The following CCDC92 variants were observed in gnomAD, a reference collection of about 807,000 sequenced individuals.
The protein encoded by CCDC92 is coiled-coil domain-containing protein 92.
A neutral mutation model predicts 24.9 loss-of-function variants in CCDC92; 12 were observed. The observed-to-expected ratio is 0.48, with a 90% CI of 0.31 to 0.78. The LOEUF (loss-of-function observed/expected upper bound fraction) is 0.78, where lower values mean the gene tolerates loss of function less well. Ranked by LOEUF, CCDC92 falls within the 30% of genes least tolerant of loss-of-function variation. The pLI, the probability that CCDC92 is intolerant of heterozygous loss-of-function variation, is 0.05. For missense variants in CCDC92, 399 were observed against 439.4 expected (o/e 0.91, Z 0.82); for synonymous variants, 193 against 196.3 (o/e 0.98, Z 0.14).
At chr12:123,943,286 G>T in intron 3 of CCDC92, 61 bp downstream of exon 3, 1 of 1,570,428 alleles carries the variant, frequency 6.4e-7, no homozygotes, top group South Asian at 1.1e-5. Context: ...ACATTCTGAC[G>T]CTGGGCTCTG....
intron 1 of CCDC92, among the ~76,000 whole-genome samples, chr12:123,949,653 T>G (rs1955973404): frequency 6.6e-6 from 1 of 152,216 alleles, no homozygotes; most frequent in East Asian, 1.9e-4. Context: ...CACGTACAGT[T>G]TTTCCTATGG....
At chr12:123,950,615 G>A (rs892623119) in intron 1 of CCDC92, among the ~76,000 whole-genome samples, 2 of 152,040 alleles carry the variant, frequency 1.3e-5, no homozygotes, top group African/African-American at 4.8e-5. Flanking sequence ...GCAGGTGCTC[G>A]GTCCCAGGGC....
chr12:123,956,686 A>G (rs1956156960), intron 1 of CCDC92, among the ~76,000 whole-genome samples: 1 of 152,254 alleles, frequency 6.6e-6, no homozygotes, highest in Non-Finnish European at 1.5e-5. Context: ...ACATCCAGAG[A>G]CCAGTGAGAG....
intron 1 of CCDC92, among the ~76,000 whole-genome samples, chr12:123,950,954 C>T (rs186166579): frequency 6.6e-6 from 1 of 152,168 alleles, no homozygotes. Context: ...CCCTCCCCAG[C>T]GGCATCCCCC....
At chr12:123,940,085 T>C (rs1306291283) in intron 4 of CCDC92, among the ~76,000 whole-genome samples, 2 of 152,230 alleles carry the variant, frequency 1.3e-5, no homozygotes, top group Non-Finnish European at 2.9e-5. Flanking sequence ...AAAAGGCTGA[T>C]GGACGTTTGG....
intron 1 of CCDC92, among the ~76,000 whole-genome samples, chr12:123,948,465 T>C (rs1955939397): frequency 6.6e-6 from 1 of 152,222 alleles, no homozygotes; most frequent in Non-Finnish European, 1.5e-5. Flanking sequence ...AAGCGTCCCA[T>C]TATAATGGGC....
intron 1 of CCDC92, chr12:123,968,272 A>G (rs1956439428): frequency 6.6e-6 from 1 of 152,258 alleles, no homozygotes; most frequent in South Asian, 2.1e-4. Flanking sequence ...AATAATCATG[A>G]AAGTATTGAT....
chr12:123,970,751 G>T (rs954372242), intron 1 of CCDC92, among the ~76,000 whole-genome samples: 3 of 152,176 alleles, frequency 2.0e-5, no homozygotes, highest in African/African-American at 7.2e-5. Flanking sequence ...ACTATTTATG[G>T]CTGACCTTGT....
intron 1 of CCDC92, among the ~76,000 whole-genome samples, chr12:123,969,463 T>TG: frequency 1.6e-5 from 1 of 63,196 alleles, no homozygotes; most frequent in South Asian, 4.2e-4. Context: ...CTTATTCAGT[T>TG]TTTTTTTTTT....
chr12:123,967,118 C>T (rs1045163683), intron 1 of CCDC92, among the ~76,000 whole-genome samples: 12 of 152,162 alleles, frequency 7.9e-5, no homozygotes, highest in Non-Finnish European at 2.9e-5. Context: ...CAATTCCTCA[C>T]TTGAAATCAC....
intron 1 of CCDC92, chr12:123,969,862 A>G (rs1956484188): frequency 6.6e-6 from 1 of 152,210 alleles, no homozygotes; most frequent in Admixed American, 6.5e-5. Context: ...CAGCTTTAAA[A>G]AAAGTCTTTT....
chr12:123,939,241 G>T (rs1461791362), intron 4 of CCDC92, among the ~76,000 whole-genome samples: 1 of 152,152 alleles, frequency 6.6e-6, no homozygotes, highest in Non-Finnish European at 1.5e-5. Context: ...GGACGCCACT[G>T]GACGTCTTTC....
chr12:123,967,081 T>C (rs533315003), intron 1 of CCDC92, among the ~76,000 whole-genome samples: 67 of 152,236 alleles, frequency 4.4e-4, no homozygotes, highest in Admixed American at 4.6e-4. Context: ...TGTCAAAAAC[T>C]GACTTGACCG....
At chr12:123,939,446 C>T (rs1316477185) in intron 4 of CCDC92, among the ~76,000 whole-genome samples, 3 of 152,012 alleles carry the variant, frequency 2.0e-5, no homozygotes, top group Non-Finnish European at 2.9e-5. Flanking sequence ...GGTCATGTCC[C>T]GAAAAATCCA....
intron 4 of CCDC92, among the ~76,000 whole-genome samples, chr12:123,938,527 C>T (rs565190805): frequency 7.0e-4 from 107 of 152,176 alleles, no homozygotes; most frequent in Non-Finnish European, 1.4e-3. Context: ...CCAGCCACCT[C>T]CTTCTCCTGC....
rs992469591 is a variant in CCDC92, at chr12:123,969,571, C to G, written c.-60+2958G>C. ...GCAACCTCTGCCTCCTGGGTTCAAG[C>G]GATTCTCCTGCCTCAGCCTCCCGAG... On this transcript the variant is annotated intron_variant, in intron 1 of 4. Transcript: ENST00000238156. Among the ~76,000 whole-genome samples the G allele has an allele frequency of 8.9e-5, 13 of 145,396 alleles. No individual in the cohort carries two copies. In the Admixed American group the frequency reaches 9.4e-4, roughly 11 times the overall value.
intron 1 of CCDC92, among the ~76,000 whole-genome samples, chr12:123,963,040 T>A (rs1956310566): frequency 2.0e-5 from 3 of 152,118 alleles, no homozygotes; most frequent in Admixed American, 2.0e-4. Flanking sequence ...CATCTGGCGA[T>A]GTCTGGAGAT....
intron 1 of CCDC92, among the ~76,000 whole-genome samples, chr12:123,959,639 T>C (rs1005186378): frequency 1.1e-4 from 16 of 152,214 alleles, no homozygotes; most frequent in Non-Finnish European, 1.9e-4. Context: ...CACTTAATTC[T>C]TGAAACAATC....
chr12:123,937,217 C>G lies in CCDC92; in HGVS notation c.837G>C (p.Pro279=). The G allele has an allele frequency of 6.2e-7, 1 of 1,609,356 alleles. No homozygotes were observed. Among genetic ancestry groups the G allele is most frequent in the Non-Finnish European group, 8.5e-7 (1 of 1,179,184 alleles). The change falls in exon 5 of 5, where the codon CCG becomes CCC. Residue 279 remains proline, a synonymous_variant. Transcript: ENST00000238156. The surrounding 1 kb of genome is among the most constrained non-coding windows in gnomAD (Gnocchi z 8.4). ...GGGCCTTGTGCGGCTTTTCGCGGGCCGGGCTGTGCTGCTCGCCGCTTCGGT... is the reference window on the plus strand; with the variant it reads ...GGGCCTTGTGCGGCTTTTCGCGGGCGGGGCTGTGCTGCTCGCCGCTTCGGT... ...ASDRSGEQHS[P]AREKPHKAHV...
Sources: allele counts gnomAD v4.1 joint callset (sites outside exome capture counted in the v4.1 genomes callset), GRCh38; gene constraint gnomAD v4.1.1; non-coding constraint Gnocchi (gnomAD v3.1); transcripts MANE v1.5; gene names NCBI Gene and HGNC (gene_info 2026-07-23, HGNC 2026-07-21).